Variants in TBCK observed in about 807,000 individuals in gnomAD.
The protein encoded by TBCK is TBC1 domain containing kinase.
TBCK carries 99 observed loss-of-function variants against 113.4 expected under a neutral mutation model. The ratio of observed to expected loss-of-function variants is 0.87; its 90% confidence interval spans 0.74 to 1.03. The LOEUF (loss-of-function observed/expected upper bound fraction) is 1.03, where lower values mean the gene tolerates loss of function less well. TBCK is among the 50% of genes least tolerant of loss of function. The probability of loss-of-function intolerance (pLI) is 0.00; values close to 1 mark genes in which losing one functional copy is unlikely to be tolerated. For synonymous variants in TBCK, 369 were observed against 370.8 expected (o/e 1.00, Z 0.05); for missense variants, 1,045 against 1,061.3 (o/e 0.98, Z 0.21).
At chr4:106,146,069 G>A (rs907426930) in intron 23 of TBCK, among the ~76,000 whole-genome samples, 3 of 152,008 alleles carry the variant, frequency 2.0e-5, no homozygotes, top group African/African-American at 4.8e-5. Flanking sequence ...AATATAAATC[G>A]TTCTACCATA....
chr4:106,227,936 T>C lies in TBCK; in HGVS notation c.1774+2427A>G, dbSNP rs201766110. 2.0e-5 allele frequency among the ~76,000 whole-genome samples: 3 copies of C among 152,168 alleles called. No individual in the cohort carries two copies. In the East Asian group the frequency reaches 5.8e-4, roughly 29 times the overall value. On this transcript the variant is annotated intron_variant, in intron 19 of 25. Coordinates refer to ENST00000394708, the MANE Select transcript of TBCK (RefSeq NM_001163435.3). ...GAAATAAATAATAGCACTTATTGAA[T>C]ATTTCTATGTACCAGAAATTTACAT...
intron 19 of TBCK, among the ~76,000 whole-genome samples, chr4:106,215,919 T>C (rs558003799): frequency 0.011 from 1,658 of 150,772 alleles, 26 homozygotes; most frequent in African/African-American, 0.038. Flanking sequence ...ATACATTTTT[T>C]TCAGCACCAC....
rs551842903 is a variant in TBCK, at chr4:106,242,839, A to G, written c.1071-270T>C. On this transcript the variant is annotated intron_variant, in intron 11 of 25. Transcript: ENST00000394708. ...TAACTCGTCATTTAGCATTAGGTAT[A>G]TCTCCTAAAGCTATCCCTCCCCCTC... Among the ~76,000 whole-genome samples, 578 of 148,982 alleles carry G rather than the reference A, an allele frequency of 3.9e-3. 5 individuals are homozygous for G. The highest frequency in any genetic ancestry group is 0.014 in the African/African-American group (552 of 40,736).
intron 24 of TBCK, among the ~76,000 whole-genome samples, chr4:106,101,419 AAAACCTTACT>A (rs1266460541): frequency 3.3e-5 from 5 of 152,212 alleles, no homozygotes; most frequent in East Asian, 1.9e-4. Flanking sequence ...TGAGATGAAA[AAAACCTTACT>A]AAACCTTCTC....
intron 25 of TBCK, among the ~76,000 whole-genome samples, chr4:106,058,543 C>T (rs1735686670): frequency 6.6e-6 from 1 of 151,494 alleles, no homozygotes; most frequent in Non-Finnish European, 1.5e-5. Flanking sequence ...TGGGAGTTAC[C>T]TAGATTAACA....
At chr4:106,309,264 AGTTT>A (rs1190363099) in intron 1 of TBCK, among the ~76,000 whole-genome samples, 1 of 150,518 alleles carries the variant, frequency 6.6e-6, no homozygotes, top group African/African-American at 2.4e-5. Flanking sequence ...GAGTAGAGGA[AGTTT>A]GTTACTGCAT....
chr4:106,085,414 C>T (rs944645900), intron 25 of TBCK, among the ~76,000 whole-genome samples: 2 of 152,162 alleles, frequency 1.3e-5, no homozygotes, highest in Non-Finnish European at 2.9e-5. Context: ...GCAAGAAGAG[C>T]TATATTCTGA....
Position 106,123,934 on chromosome 4 carries a change from G to C in TBCK, c.2236-7556C>G, listed in dbSNP as rs1461483492. 5.7e-3 allele frequency among the ~76,000 whole-genome samples: 855 copies of C among 150,914 alleles called. 10 individuals are homozygous for C. Among genetic ancestry groups the C allele is most frequent in the African/African-American group, 0.02 (823 of 40,972 alleles). ...CCTAGGCATTACCATTCAGGACATA[G>C]GCATGGGCAAGGACTTCATGTCCAA... is the stretch of plus-strand genomic sequence containing the variant. On this transcript the variant is annotated intron_variant, in intron 23 of 25. Coordinates refer to ENST00000394708, the MANE Select transcript of TBCK (RefSeq NM_001163435.3).
chr4:106,216,938 C>T (rs1414383440), intron 19 of TBCK, among the ~76,000 whole-genome samples: 1 of 152,102 alleles, frequency 6.6e-6, no homozygotes, highest in African/African-American at 2.4e-5. Context: ...AGACCAATAT[C>T]CTTGATGAAC....
At chr4:106,269,158 A>G (rs1359470943) in intron 3 of TBCK, among the ~76,000 whole-genome samples, 1 of 152,188 alleles carries the variant, frequency 6.6e-6, no homozygotes, top group Non-Finnish European at 1.5e-5. Context: ...GATGAAATAT[A>G]TTAATGGTTA....
At chr4:106,214,148 G>C (rs1464015198) in intron 19 of TBCK, among the ~76,000 whole-genome samples, 1 of 152,100 alleles carries the variant, frequency 6.6e-6, no homozygotes, top group Non-Finnish European at 1.5e-5. Context: ...CAGACCTGCA[G>C]CTGAGGGTCC....
At chr4:106,191,204 A>G (rs1432560069) in intron 22 of TBCK, among the ~76,000 whole-genome samples, 1 of 152,170 alleles carries the variant, frequency 6.6e-6, no homozygotes, top group Non-Finnish European at 1.5e-5. Flanking sequence ...GATGATCTGA[A>G]GTATAAAGGT....
intron 22 of TBCK, among the ~76,000 whole-genome samples, chr4:106,188,219 T>C (rs1314394127): frequency 6.6e-6 from 1 of 152,164 alleles, no homozygotes; most frequent in Non-Finnish European, 1.5e-5. Flanking sequence ...TTTCAAGGTA[T>C]ATTCTTTTGA....
intron 2 of TBCK, among the ~76,000 whole-genome samples, chr4:106,305,231 A>G (rs1387574851): frequency 6.6e-6 from 1 of 152,090 alleles, no homozygotes; most frequent in Non-Finnish European, 1.5e-5. Context: ...ATCTTGTCTC[A>G]AATTATTTTT....
intron 25 of TBCK, among the ~76,000 whole-genome samples, chr4:106,070,447 T>G (rs1389889061): frequency 6.6e-6 from 1 of 152,210 alleles, no homozygotes; most frequent in African/African-American, 2.4e-5. Context: ...TTACGTTTAT[T>G]GATTTGTGTA....
chr4:106,055,577 T>C (rs190560035), intron 25 of TBCK, among the ~76,000 whole-genome samples: 3 of 149,944 alleles, frequency 2.0e-5, no homozygotes, highest in Non-Finnish European at 3.0e-5. Context: ...CACACACACA[T>C]ATATATAATT....
At chr4:106,314,506 C>T (rs1166965048) in intron 1 of TBCK, among the ~76,000 whole-genome samples, 1 of 151,630 alleles carries the variant, frequency 6.6e-6, no homozygotes, top group East Asian at 1.9e-4. Flanking sequence ...AACCTACAGA[C>T]CTAAAATTAG....
intron 20 of TBCK, among the ~76,000 whole-genome samples, chr4:106,195,605 T>C (rs1420527689): frequency 6.6e-6 from 1 of 151,842 alleles, no homozygotes; most frequent in African/African-American, 2.4e-5. Context: ...TGTAATCAAC[T>C]GAGAGCCTGA....
chr4:106,157,771 T>A (rs1314236438), intron 23 of TBCK, among the ~76,000 whole-genome samples: 2 of 152,102 alleles, frequency 1.3e-5, no homozygotes, highest in Non-Finnish European at 2.9e-5. Flanking sequence ...GCTCATCTAG[T>A]TTTTGGTTCT....
Sources: allele counts gnomAD v4.1 joint callset (sites outside exome capture counted in the v4.1 genomes callset), GRCh38; gene constraint gnomAD v4.1.1; transcripts MANE v1.5; gene names NCBI Gene and HGNC (gene_info 2026-07-23, HGNC 2026-07-21).